PTPRM: variants seen among roughly 807,000 people sequenced by gnomAD.
The protein encoded by PTPRM is receptor-type tyrosine-protein phosphatase mu.
PTPRM carries 47 observed loss-of-function variants against 186.7 expected under a neutral mutation model. That is an observed-to-expected ratio of 0.25 (90% CI 0.20 to 0.32). The LOEUF (loss-of-function observed/expected upper bound fraction) is 0.32, where lower values mean the gene tolerates loss of function less well. Ranked by LOEUF, PTPRM falls within the 10% of genes least tolerant of loss-of-function variation. The pLI is 1.00. For missense variants in PTPRM, 1,494 were observed against 1,865.0 expected (o/e 0.80, Z 3.66); for synonymous variants, 668 against 674.9 (o/e 0.99, Z 0.16).
chr18:8,038,444 TGC>T lies in PTPRM; in HGVS notation c.1133-31241_1133-31240del, dbSNP rs1249083382. ...TCTCACTCTGTCGCCCAAACTGGAG[TGC>T]AGTGGTGCAATCTCAGCTCAATGCA... On this transcript the variant is annotated intron_variant, in intron 7 of 32. Transcript: ENST00000580170. 0.019 allele frequency among the ~76,000 whole-genome samples: 2,843 copies of T among 146,766 alleles called. 56 individuals are homozygous for T. The Middle Eastern group carries it at 0.2, about 10-fold the overall frequency.
intron 1 of PTPRM, among the ~76,000 whole-genome samples, chr18:7,740,537 G>T (rs966869288): frequency 1.3e-5 from 2 of 152,158 alleles, no homozygotes; most frequent in African/African-American, 4.8e-5. Context: ...TCCTGCTTCA[G>T]CCTCTCCAGT....
At chr18:7,954,837 T>C (rs1045771514) in intron 6 of PTPRM, among the ~76,000 whole-genome samples, 1 of 152,232 alleles carries the variant, frequency 6.6e-6, no homozygotes, top group African/African-American at 2.4e-5. Flanking sequence ...GTATCAGATA[T>C]GCTAATTTGC....
At chr18:7,760,767 G>T (rs1389940087) in intron 1 of PTPRM, among the ~76,000 whole-genome samples, 1 of 152,178 alleles carries the variant, frequency 6.6e-6, no homozygotes, top group Non-Finnish European at 1.5e-5. Context: ...ATTCTAGAAG[G>T]TAGATGGTTT....
At chr18:8,204,667 C>T (rs1054553951) in intron 14 of PTPRM, among the ~76,000 whole-genome samples, 5 of 151,998 alleles carry the variant, frequency 3.3e-5, no homozygotes, top group African/African-American at 1.2e-4. Flanking sequence ...CTTCGCATCA[C>T]TGAGGAGTGT....
chr18:8,221,982 T>C (rs2094158545), intron 14 of PTPRM, among the ~76,000 whole-genome samples: 3 of 152,210 alleles, frequency 2.0e-5, no homozygotes, highest in African/African-American at 7.2e-5. Context: ...TGTACCTCAC[T>C]TTTCTTTTTC....
In PTPRM at chr18:7,926,656, C is replaced by G. The variant is rs199561940; in HGVS notation, c.636C>G (p.Thr212=). 2 of 1,612,892 alleles carry G rather than the reference C, an allele frequency of 1.2e-6. No individual in the cohort carries two copies. The highest frequency in any genetic ancestry group is 2.2e-5 in the South Asian group (2 of 90,890). Residue 212 remains threonine, a synonymous_variant, in exon 5 of 33, where the codon ACC becomes ACG. Coordinates refer to ENST00000580170, the MANE Select transcript of PTPRM (RefSeq NM_001105244.2). The part of the protein sequence containing the change: ...ATFQCSAIGR[T]VAGDRLWLQG... ...TCCAGTGCAGTGCCATCGGCAGGAC[C>G]GTGGCAGGAGACAGGCTCTGGTTAC...
intron 1 of PTPRM, among the ~76,000 whole-genome samples, chr18:7,576,938 A>T (rs2036702912): frequency 6.6e-6 from 1 of 152,254 alleles, no homozygotes; most frequent in Non-Finnish European, 1.5e-5. Context: ...TCCTTTTAAC[A>T]TACTCATAAT....
At chr18:8,226,311 G>T (rs1034532626) in intron 14 of PTPRM, among the ~76,000 whole-genome samples, 28 of 130,998 alleles carry the variant, frequency 2.1e-4, no homozygotes, top group African/African-American at 8.5e-4. Context: ...TAAATAGCAT[G>T]TAAAGGCCAA....
At chr18:8,091,199 C>T (rs2090705201) in intron 11 of PTPRM, among the ~76,000 whole-genome samples, 1 of 152,118 alleles carries the variant, frequency 6.6e-6, no homozygotes, top group African/African-American at 2.4e-5. Flanking sequence ...GCAGACCTTA[C>T]ATCATTTCAT....
chr18:7,838,745 C>T (rs1025060995), intron 2 of PTPRM, among the ~76,000 whole-genome samples: 2 of 152,210 alleles, frequency 1.3e-5, no homozygotes, highest in Non-Finnish European at 2.9e-5. Flanking sequence ...TGCCTCCTTC[C>T]CTGCAGGGTG....
intron 1 of PTPRM, among the ~76,000 whole-genome samples, chr18:7,684,189 A>G (rs948265200): frequency 5.3e-5 from 8 of 151,996 alleles, no homozygotes; most frequent in African/African-American, 1.4e-4. Flanking sequence ...AGTCCTAGCT[A>G]TTCGGGAGAC....
At chr18:8,099,801 T>C (rs1426445648) in intron 11 of PTPRM, among the ~76,000 whole-genome samples, 1 of 152,192 alleles carries the variant, frequency 6.6e-6, no homozygotes, top group East Asian at 1.9e-4. Flanking sequence ...AGAGAACACG[T>C]GGCACAGACA....
chr18:7,966,740 T>C (rs533572788), intron 7 of PTPRM, among the ~76,000 whole-genome samples: 84 of 143,424 alleles, frequency 5.9e-4, no homozygotes, highest in Admixed American at 2.1e-3. Flanking sequence ...ATACTGCGCT[T>C]TTCAGACCGG....
chr18:8,166,836 C>G (rs1361477623), intron 14 of PTPRM, among the ~76,000 whole-genome samples: 1 of 152,192 alleles, frequency 6.6e-6, no homozygotes, highest in Non-Finnish European at 1.5e-5. Context: ...GGCTGCTGGT[C>G]TCCAGAGCTT....
chr18:7,638,500 T>C (rs1477006015), intron 1 of PTPRM, among the ~76,000 whole-genome samples: 1 of 152,220 alleles, frequency 6.6e-6, no homozygotes, highest in African/African-American at 2.4e-5. Context: ...CTTAGACATA[T>C]TTATCTAATG....
chr18:7,701,327 G>A (rs1227050043), intron 1 of PTPRM, among the ~76,000 whole-genome samples: 5 of 150,486 alleles, frequency 3.3e-5, no homozygotes, highest in African/African-American at 7.3e-5. Flanking sequence ...AAGGCTGGAT[G>A]TGGTGGCTCA....
chr18:7,601,621 C>G (rs1385732255), intron 1 of PTPRM, among the ~76,000 whole-genome samples: 1 of 152,224 alleles, frequency 6.6e-6, no homozygotes, highest in Non-Finnish European at 1.5e-5. Flanking sequence ...CTGTGTGTCT[C>G]TTTTAAGGAT....
chr18:7,610,303 G>A (rs2037640888), intron 1 of PTPRM, among the ~76,000 whole-genome samples: 1 of 152,186 alleles, frequency 6.6e-6, no homozygotes. Context: ...TGAATTTCAC[G>A]TAATTTTTAA....
intron 11 of PTPRM, among the ~76,000 whole-genome samples, chr18:8,112,705 TCTC>T (rs1255315856): frequency 2.6e-5 from 4 of 152,208 alleles, no homozygotes; most frequent in Non-Finnish European, 1.5e-5. Flanking sequence ...TTTCTGCCAT[TCTC>T]CTGAGGTTAC....
Sources: gnomAD v4.1 joint callset for allele counts (sites outside exome capture counted in the v4.1 genomes callset) on GRCh38, gnomAD v4.1.1 for gene constraint, MANE v1.5 for transcripts, NCBI Gene and HGNC (gene_info 2026-07-23, HGNC 2026-07-21) for gene names.